Variants in MLLT10 observed in about 807,000 individuals in gnomAD.
MLLT10 encodes MLLT10 histone lysine methyltransferase DOT1L cofactor, also known as protein AF-10.
In MLLT10, 30 loss-of-function variants were observed where a neutral mutation model predicts 129.1. That is an observed-to-expected ratio of 0.23 (90% CI 0.17 to 0.32). The LOEUF (loss-of-function observed/expected upper bound fraction) is 0.32, where lower values mean the gene tolerates loss of function less well. Among genes scored for constraint, MLLT10 ranks in the 10% least tolerant of loss-of-function variants. The pLI, the probability that MLLT10 is intolerant of heterozygous loss-of-function variation, is 1.00. For synonymous variants in MLLT10, 490 were observed against 446.4 expected (o/e 1.10, Z -1.23); for missense variants, 1,119 against 1,268.3 (o/e 0.88, Z 1.79).
chr10:21,675,297 A>G (rs1233247780), intron 11 of MLLT10, among the ~76,000 whole-genome samples: 1 of 152,200 alleles, frequency 6.6e-6, no homozygotes. Context: ...GGATGGGACA[A>G]GTCTTCATGT....
intron 3 of MLLT10, among the ~76,000 whole-genome samples, chr10:21,559,380 A>G (rs953175324): frequency 3.3e-5 from 5 of 152,214 alleles, no homozygotes; most frequent in African/African-American, 4.8e-5. Flanking sequence ...GCTTGGCAAG[A>G]ATGGACATCT....
chr10:21,608,661 C>T (rs2044297886), intron 5 of MLLT10, among the ~76,000 whole-genome samples: 1 of 151,706 alleles, frequency 6.6e-6, no homozygotes, highest in African/African-American at 2.4e-5. Flanking sequence ...TAATGGTGTC[C>T]CACATTTTTT....
chr10:21,675,944 C>A (rs986369191), intron 11 of MLLT10, among the ~76,000 whole-genome samples: 3 of 152,062 alleles, frequency 2.0e-5, no homozygotes, highest in Non-Finnish European at 4.4e-5. Flanking sequence ...TAGTGTTCCT[C>A]ATAGGATGGT....
intron 3 of MLLT10, among the ~76,000 whole-genome samples, chr10:21,564,284 T>A (rs1339472024): frequency 6.6e-6 from 1 of 152,066 alleles, no homozygotes; most frequent in Non-Finnish European, 1.5e-5. Flanking sequence ...AGAGATGGGG[T>A]CTTGCTATGT....
chr10:21,646,036 C>T (rs1332368949), intron 8 of MLLT10, among the ~76,000 whole-genome samples: 1 of 152,108 alleles, frequency 6.6e-6, no homozygotes, highest in Non-Finnish European at 1.5e-5. Context: ...GAAATCCCGT[C>T]TCTACTAAAA....
intron 8 of MLLT10, among the ~76,000 whole-genome samples, chr10:21,632,781 C>T (rs2131270484): frequency 6.6e-6 from 1 of 152,222 alleles, no homozygotes; most frequent in Non-Finnish European, 1.5e-5. Context: ...ATAGATCTGA[C>T]TTATCTGAGA....
At chr10:21,627,783 C>T (rs1405535082) in intron 8 of MLLT10, among the ~76,000 whole-genome samples, 13 of 151,218 alleles carry the variant, frequency 8.6e-5, no homozygotes, top group African/African-American at 2.9e-4. Context: ...AGTCTTGGCT[C>T]TTTTTTTTTG....
At chr10:21,637,806 G>A (rs754314957) in intron 8 of MLLT10, among the ~76,000 whole-genome samples, 1 of 152,234 alleles carries the variant, frequency 6.6e-6, no homozygotes, top group Non-Finnish European at 1.5e-5. Context: ...AGTACCATCA[G>A]TGTGTAGTGG....
At chr10:21,664,282 A>G (rs2050511440) in intron 9 of MLLT10, among the ~76,000 whole-genome samples, 1 of 147,208 alleles carries the variant, frequency 6.8e-6, no homozygotes, top group African/African-American at 2.5e-5. Flanking sequence ...TAAACATTCT[A>G]TGTATGTGTT....
chr10:21,726,785 G>A (rs2057550212), intron 15 of MLLT10, among the ~76,000 whole-genome samples: 1 of 142,714 alleles, frequency 7.0e-6, no homozygotes, highest in Non-Finnish European at 1.5e-5. Flanking sequence ...TTTTGTGATT[G>A]ATGTGTTCAG....
At chr10:21,550,704 G>C (rs1469825174) in intron 3 of MLLT10, among the ~76,000 whole-genome samples, 1 of 151,950 alleles carries the variant, frequency 6.6e-6, no homozygotes, top group African/African-American at 2.4e-5. Context: ...GCTAATTTTT[G>C]TATTTTTAGT....
chr10:21,674,216 T>A (rs1306043997), intron 11 of MLLT10, among the ~76,000 whole-genome samples: 1 of 152,228 alleles, frequency 6.6e-6, no homozygotes, highest in Non-Finnish European at 1.5e-5. Context: ...ATTTATTTCC[T>A]ATTTTTGTTT....
rs985627150 is a variant in MLLT10, at chr10:21,652,894, G to A, written c.795+1126G>A. On this transcript the variant is annotated intron_variant, in intron 9 of 22. Transcript: ENST00000307729. ...TGATCAGATTCTGAATACATACAAA[G>A]CCCACCTGACTTTCTTACAGATAAG... 2.6e-5 allele frequency among the ~76,000 whole-genome samples: 4 copies of A among 152,108 alleles called. No homozygotes were observed. The South Asian group carries it at 8.3e-4, about 31-fold the overall frequency.
At chr10:21,720,010 C>T (rs991216625) in intron 14 of MLLT10, among the ~76,000 whole-genome samples, 1 of 152,100 alleles carries the variant, frequency 6.6e-6, no homozygotes, top group East Asian at 1.9e-4. Context: ...CTGCCTTTGT[C>T]CTACAGTAAT....
At chr10:21,628,719 G>GAGCTGCCA (rs1564537008) in intron 8 of MLLT10, among the ~76,000 whole-genome samples, 3 of 148,050 alleles carry the variant, frequency 2.0e-5, no homozygotes, top group South Asian at 2.2e-4. Flanking sequence ...GGGATTACAG[G>GAGCTGCCA]CATGAACCAC....
At chr10:21,571,468 A>G (rs548359704) in intron 3 of MLLT10, among the ~76,000 whole-genome samples, 1 of 152,080 alleles carries the variant, frequency 6.6e-6, no homozygotes, top group African/African-American at 2.4e-5. Flanking sequence ...CGACCTGGAA[A>G]CTCTCTCAAG....
chr10:21,551,839 G>C (rs1411260091), intron 3 of MLLT10: 4 of 412,036 alleles, frequency 9.7e-6, no homozygotes, highest in Non-Finnish European at 1.9e-5. Context: ...CTGTTGCCCA[G>C]GCTAAAGTGC....
intron 17 of MLLT10, 95 bp from the exon 18 acceptor site, chr10:21,732,804 A>G (rs897257614): frequency 3.0e-6 from 3 of 997,334 alleles, no homozygotes; most frequent in Non-Finnish European, 4.3e-6. Context: ...CTACTGTTCT[A>G]TTTTAACTTA....
chr10:21,725,046 C>T (rs1367582518), intron 14 of MLLT10, among the ~76,000 whole-genome samples: 1 of 152,206 alleles, frequency 6.6e-6, no homozygotes, highest in Non-Finnish European at 1.5e-5. Context: ...TGCCTGTTTG[C>T]TTTCTTTTAA....
Sources: allele counts gnomAD v4.1 joint callset (sites outside exome capture counted in the v4.1 genomes callset), GRCh38; gene constraint gnomAD v4.1.1; transcripts MANE v1.5; gene names NCBI Gene and HGNC (gene_info 2026-07-23, HGNC 2026-07-21).